GSDME: variants seen among roughly 807,000 people sequenced by gnomAD.
GSDME encodes the protein gasdermin-E.
Under a neutral mutation model 47.5 loss-of-function variants are expected in GSDME, and 44 were observed. The observed-to-expected ratio is 0.93, with a 90% CI of 0.73 to 1.19. GSDME has a LOEUF of 1.19. GSDME is among the 50% of genes most tolerant of loss of function. The pLI, the probability that GSDME is intolerant of heterozygous loss-of-function variation, is 0.00. For synonymous variants in GSDME, 258 were observed against 252.8 expected, an observed-to-expected ratio of 1.02 and a Z score of -0.20; for missense variants, 663 against 604.2, an observed-to-expected ratio of 1.10 and a Z score of -1.02.
At position 24,741,516 on chromosome 7, in the gene GSDME, C is replaced by T. The variant is rs1202945464; in HGVS notation, c.404+3046G>A. On this transcript the variant is annotated intron_variant, in intron 3 of 9. Transcript: ENST00000645220. ...AATTTCTGTGGAATGCCTTCCTGCC[C>T]AGCACAGGCTTGTTTTTTCAAGGAC... Among the ~76,000 whole-genome samples the T allele has an allele frequency of 2.0e-5, 3 of 152,158 alleles. No homozygotes were observed. The East Asian group carries it at 5.8e-4, about 29-fold the overall frequency.
rs1337286269 is a variant in GSDME, at chr7:24,721,735, G to A, written c.405-2517C>T. On this transcript the variant is annotated intron_variant, in intron 3 of 9. Transcript: ENST00000645220. The surrounding 1 kb of genome is among the most constrained non-coding windows in gnomAD (Gnocchi z 4.1). ...TATGGGGCACTGAATTGAATCAGAG[G>A]TACGTTTCCACATCACTCCCTTCTT... Among the ~76,000 whole-genome samples, 4 of 152,200 alleles carry A rather than the reference G, an allele frequency of 2.6e-5. No homozygotes were observed. Among genetic ancestry groups the A allele is most frequent in the African/African-American group, 4.8e-5 (2 of 41,442 alleles).
rs1253765498 is a variant in GSDME at position 24,712,435 on chromosome 7, C to T, written c.698-2047G>A. Among the ~76,000 whole-genome samples the T allele has an allele frequency of 6.6e-6, 1 of 152,242 alleles. No individual in the cohort carries two copies. The highest frequency in any genetic ancestry group is 1.5e-5 in the Non-Finnish European group (1 of 68,038). The stretch of plus-strand genomic sequence containing the variant: ...CTCACCTTCACCCATGCATAGCTCC[C>T]TGAGGGCGCCACCAATTAATTCCTT... On this transcript the variant is annotated intron_variant, in intron 5 of 9. Coordinates refer to ENST00000645220, the MANE Select transcript of GSDME (RefSeq NM_001127453.2). This position sits in a 1 kb window ranked among gnomAD's most constrained non-coding sequence, Gnocchi z 4.4.
Position 24,706,365 on chromosome 7 carries a change from C to T in GSDME, c.1002G>A (p.Leu334=). 6.2e-7 allele frequency: 1 copy of T among 1,612,692 alleles called. No individual in the cohort carries two copies. Among genetic ancestry groups the T allele is most frequent in the Non-Finnish European group, 8.5e-7 (1 of 1,179,940 alleles). ...CCACTGTGGGCGAGAGGCCGCTGAC[C>T]AGGTCATCGCACTGTAGGGCAGGGA... is the stretch of plus-strand genomic sequence containing the variant. ...LMVLEPVCDD[L]VSGLSPTVAV... The change falls in exon 8 of 10, where the codon CTG becomes CTA. Residue 334 remains leucine (L), a synonymous_variant. Coordinates refer to ENST00000645220, the MANE Select transcript of GSDME (RefSeq NM_001127453.2).
At chr7:24,707,770 C>T in intron 7 of GSDME, 1 of 469,062 alleles carries the variant, frequency 2.1e-6, no homozygotes, top group South Asian at 3.3e-5. Context: ...ACACTAGGAG[C>T]CATCCGCAGC....
the GSDME span, among the ~76,000 whole-genome samples, chr7:24,772,066 C>T: frequency 9.9e-5 from 15 of 152,200 alleles, no homozygotes; most frequent in Admixed American, 3.3e-4. This position sits in a 1 kb window ranked among gnomAD's most constrained non-coding sequence, Gnocchi z 4.5. Flanking sequence ...GGGTATCCCA[C>T]GCCTGGGATG....
intron 6 of GSDME, among the ~76,000 whole-genome samples, chr7:24,709,685 G>A (rs1414189446): frequency 4.6e-5 from 7 of 152,236 alleles, no homozygotes; most frequent in African/African-American, 7.2e-5. Flanking sequence ...AGCACAATAC[G>A]CTGTGAGGAG....
At chr7:24,707,061 T>C (rs1349869988) in intron 7 of GSDME, among the ~76,000 whole-genome samples, 1 of 152,198 alleles carries the variant, frequency 6.6e-6, no homozygotes, top group Non-Finnish European at 1.5e-5. Flanking sequence ...CTGTTCTCCC[T>C]GGAGCTGAGC....
chr7:24,705,852 C>T lies in GSDME; in HGVS notation c.1183+332G>A, dbSNP rs1031382992. ...AAATGAAAGTTGCTGCCACTCAGCTCTGCTGGGACTCCGGAGTGAACCACA... is the reference window on the plus strand; with the variant it reads ...AAATGAAAGTTGCTGCCACTCAGCTTTGCTGGGACTCCGGAGTGAACCACA... On this transcript the variant is annotated intron_variant, in intron 8 of 9. Transcript: ENST00000645220. The surrounding 1 kb of genome is among the most constrained non-coding windows in gnomAD (Gnocchi z 4.1). The T allele has an allele frequency of 6.5e-5, 27 of 415,368 alleles. No homozygotes were observed. The highest frequency in any genetic ancestry group is 7.4e-4 in the Middle Eastern group (1 of 1,356). The allele number at this position is 415,368 out of a possible 1,614,324, so 25.7% of individuals were successfully genotyped here.
the GSDME span, among the ~76,000 whole-genome samples, chr7:24,782,817 GTGA>G: frequency 6.6e-6 from 1 of 152,322 alleles, no homozygotes; most frequent in South Asian, 2.1e-4. Context: ...CTGATGACCA[GTGA>G]TGATGAGTAT....
In GSDME at chr7:24,733,839, G is replaced by A. The variant is rs756796162; in HGVS notation, c.404+10723C>T. ...GGACAGCATCTCTGGACCCACCTGG[G>A]GCCCCAGGGAAATCACCTCATGTCT... On this transcript the variant is annotated intron_variant, in intron 3 of 9. Coordinates refer to ENST00000645220, the MANE Select transcript of GSDME (RefSeq NM_001127453.2). The surrounding 1 kb of genome is among the most constrained non-coding windows in gnomAD (Gnocchi z 4.3). 2.0e-5 allele frequency among the ~76,000 whole-genome samples: 3 copies of A among 152,266 alleles called. No homozygotes were observed. In the South Asian group the frequency reaches 6.2e-4, roughly 32 times the overall value.
At position 24,718,642 on chromosome 7, in the gene GSDME, G is replaced by A. The variant is rs143487286; in HGVS notation, c.576+405C>T. Among the ~76,000 whole-genome samples, 1,236 of 152,278 alleles carry A rather than the reference G, an allele frequency of 8.1e-3. 8 individuals are homozygous for A. Among genetic ancestry groups the A allele is most frequent in the Non-Finnish European group, 0.013 (897 of 68,024 alleles). On this transcript the variant is annotated intron_variant, in intron 4 of 9. Transcript: ENST00000645220. ...TGACGCCAGCCCACCTGGCCCATTCGAGTGCCTGCAACCCTGCCCTGCTTC... is the reference window on the plus strand; with the variant it reads ...TGACGCCAGCCCACCTGGCCCATTCAAGTGCCTGCAACCCTGCCCTGCTTC...
rs563517732 is a variant in GSDME at position 24,724,450 on chromosome 7, T to C, written c.405-5232A>G. Among the ~76,000 whole-genome samples, 1 of 152,178 alleles carries C rather than the reference T, an allele frequency of 6.6e-6. No homozygotes were observed. Among genetic ancestry groups the C allele is most frequent in the South Asian group, 2.1e-4 (1 of 4,806 alleles). On this transcript the variant is annotated intron_variant, in intron 3 of 9. Coordinates refer to ENST00000645220, the MANE Select transcript of GSDME (RefSeq NM_001127453.2). This position sits in a 1 kb window ranked among gnomAD's most constrained non-coding sequence, Gnocchi z 4.8. ...AGAGGTTCTTCATCCGCTTCACACA[T>C]CTAAGGGCAGGCTCCTTGTTCTTCC... is the stretch of plus-strand genomic sequence containing the variant.
chr7:24,748,422 T>C (rs1790749234), intron 2 of GSDME, among the ~76,000 whole-genome samples: 1 of 152,044 alleles, frequency 6.6e-6, no homozygotes. Context: ...CCTCCCAAAG[T>C]GCTGGGATTA....
At chr7:24,791,124 C>T in the GSDME span, among the ~76,000 whole-genome samples, 2 of 152,028 alleles carry the variant, frequency 1.3e-5, no homozygotes, top group Non-Finnish European at 2.9e-5. This position sits in a 1 kb window ranked among gnomAD's most constrained non-coding sequence, Gnocchi z 4.8. Context: ...TTTCATGGGG[C>T]TGTGGTGGAT....
the GSDME span, among the ~76,000 whole-genome samples, chr7:24,769,450 A>G: frequency 6.6e-6 from 1 of 152,178 alleles, no homozygotes; most frequent in Admixed American, 6.5e-5. Context: ...GTTCTTAACG[A>G]GGCCTGTCTT....
At chr7:24,709,538 C>G (rs1012689148) in intron 6 of GSDME, among the ~76,000 whole-genome samples, 6 of 151,946 alleles carry the variant, frequency 3.9e-5, no homozygotes, top group African/African-American at 1.4e-4. Flanking sequence ...TGTGCTTACC[C>G]TCCAAGCCAG....
Position 24,698,988 on chromosome 7 carries a change from C to T in GSDME, c.*38G>A, listed in dbSNP as rs868033817. ...ACCTTTAACAGTTCTGAAAAATAGC[C>T]TTGGCCAGTAACACGTACTTCTAGT... On this transcript the variant is annotated 3_prime_UTR_variant, in exon 10 of 10. Coordinates refer to ENST00000645220, the MANE Select transcript of GSDME (RefSeq NM_001127453.2). 2.1e-6 allele frequency: 3 copies of T among 1,415,670 alleles called. No homozygotes were observed. Among genetic ancestry groups the T allele is most frequent in the African/African-American group, 2.8e-5 (2 of 70,790 alleles). The allele number at this position is 1,415,670 out of a possible 1,614,324, so 87.7% of individuals were successfully genotyped here.
At chr7:24,720,753 T>C (rs936652633) in intron 3 of GSDME, among the ~76,000 whole-genome samples, 5 of 152,120 alleles carry the variant, frequency 3.3e-5, no homozygotes, top group African/African-American at 7.2e-5. Flanking sequence ...CCGTCTCTAC[T>C]GAAAATGCAA....
chr7:24,749,638 C>A lies in GSDME; in HGVS notation c.137G>T (p.Trp46Leu), dbSNP rs1184938361. Reference sequence around the variant, plus strand: ...TAAAAACTGGTACTTGGGTCTCTGCCAGCACCAGAATCTCTTCTTTTTTGT... The same window carrying A: ...TAAAAACTGGTACTTGGGTCTCTGCAAGCACCAGAATCTCTTCTTTTTTGT... Reference protein sequence around the residue: ...LVTKKKRFWCWQRPKYQFLSL... With the variant: ...LVTKKKRFWCLQRPKYQFLSL... Residue 46 changes from tryptophan (W) to leucine (L), a missense_variant, in exon 2 of 10, where the codon TGG becomes TTG. Transcript: ENST00000645220. The A allele has an allele frequency of 1.2e-6, 2 of 1,614,078 alleles. No individual in the cohort carries two copies. The highest frequency in any genetic ancestry group is 1.7e-6 in the Non-Finnish European group (2 of 1,180,018).
Sources: gnomAD v4.1 joint callset for allele counts (sites outside exome capture counted in the v4.1 genomes callset) on GRCh38, gnomAD v4.1.1 for gene constraint, Gnocchi (gnomAD v3.1) non-coding constraint, MANE v1.5 for transcripts, NCBI Gene and HGNC (gene_info 2026-07-23, HGNC 2026-07-21) for gene names.